NOMO1: variants seen among roughly 807,000 people sequenced by gnomAD.
NOMO1 encodes the protein nodal modulator 3.
NOMO1 carries 40 observed loss-of-function variants against 133.8 expected under a neutral mutation model. The ratio of observed to expected loss-of-function variants is 0.30; its 90% CI spans 0.23 to 0.39. NOMO1 has a LOEUF of 0.39. Among genes scored for constraint, NOMO1 ranks in the 10% least tolerant of loss-of-function variants. The pLI is 1.00. For synonymous variants in NOMO1, 236 were observed against 570.5 expected (o/e 0.41, Z 8.36); for missense variants, 462 against 1,419.9 (o/e 0.33, Z 10.84).
Position 14,852,560 on chromosome 16 carries a change from TTTC to T in NOMO1, c.719_721del (p.Ser240del), listed in dbSNP as rs764395088. 25 of 1,453,358 alleles carry T rather than the reference TTTC, an allele frequency of 1.7e-5. No homozygotes were observed. Among genetic ancestry groups the T allele is most frequent in the Admixed American group, 2.2e-5 (1 of 45,880 alleles). 90.0% of individuals were successfully genotyped at this position (1,453,358 alleles called of 1,614,324 possible). The stretch of plus-strand genomic sequence containing the variant: ...ATGAAAGGCGTGAAGTTTCTTCTCT[TTTC>T]TTCTTTAGTAACTAAAGAGGTAAGC... On this transcript the variant is annotated inframe_deletion, in exon 7 of 31. Coordinates refer to ENST00000287667, the MANE Select transcript of NOMO1 (RefSeq NM_014287.4).
At chr16:14,864,357 T>C (rs1401259831) in intron 12 of NOMO1, among the ~76,000 whole-genome samples, 9 of 151,954 alleles carry the variant, frequency 5.9e-5, no homozygotes, top group Non-Finnish European at 8.8e-5. Flanking sequence ...TAGACTTTTG[T>C]TCATACACAT....
At chr16:14,857,707 T>C in intron 11 of NOMO1, 52 bp downstream of exon 11, 4 of 1,612,506 alleles carry the variant, frequency 2.5e-6, no homozygotes, top group Admixed American at 1.7e-5. Flanking sequence ...TGGCAGCCAG[T>C]GTAGAACCGA....
At chr16:14,872,617 GAA>G (rs1230264974) in intron 18 of NOMO1, among the ~76,000 whole-genome samples, 1 of 48,322 alleles carries the variant, frequency 2.1e-5, no homozygotes, top group Non-Finnish European at 4.2e-5. Flanking sequence ...CTTTGCTAAG[GAA>G]AAAAAAAATC....
At chr16:14,881,791 T>TG in intron 25 of NOMO1, 106 bp downstream of exon 25, 1 of 1,148,286 alleles carries the variant, frequency 8.7e-7, no homozygotes, top group Non-Finnish European at 1.2e-6. Context: ...GCGAGAGGGC[T>TG]GGGGGTGGGG....
In NOMO1 at chr16:14,886,872, G is replaced by A; in HGVS notation, c.3324+10G>A. ...GCTCAGAGACGGCGAGGTAATGCCTGTGGCCGGATTCTACCTTCTGCCTTT... is the reference window on the plus strand; with the variant it reads ...GCTCAGAGACGGCGAGGTAATGCCTATGGCCGGATTCTACCTTCTGCCTTT... On this transcript the variant is annotated intron_variant, in intron 28 of 30. Coordinates refer to ENST00000287667, the MANE Select transcript of NOMO1 (RefSeq NM_014287.4). The A allele has an allele frequency of 3.7e-6, 6 of 1,611,708 alleles. No individual in the cohort carries two copies. Among genetic ancestry groups the A allele is most frequent in the Non-Finnish European group, 5.1e-6 (6 of 1,179,772 alleles).
chr16:14,856,942 A>G (rs1963847578), intron 9 of NOMO1, among the ~76,000 whole-genome samples: 1 of 151,984 alleles, frequency 6.6e-6, no homozygotes, highest in Non-Finnish European at 1.5e-5. Flanking sequence ...GGGGGCTTCT[A>G]GAAGCTTGAG....
At chr16:14,874,991 C>G in intron 18 of NOMO1, 45 bp from the exon 19 acceptor site, 1 of 1,613,568 alleles carries the variant, frequency 6.2e-7, no homozygotes. Flanking sequence ...TTCCCACTGA[C>G]CACAAGGATA....
At chr16:14,875,538 A>G (rs1204217732) in intron 20 of NOMO1, 116 bp downstream of exon 20, 8 of 792,618 alleles carry the variant, frequency 1.0e-5, no homozygotes, top group Admixed American at 4.7e-5. Context: ...GCCACCTTAC[A>G]TCCTCTCTGG....
chr16:14,885,812 G>A (rs1426060475), intron 27 of NOMO1, among the ~76,000 whole-genome samples: 3 of 151,764 alleles, frequency 2.0e-5, no homozygotes, highest in Non-Finnish European at 4.4e-5. Context: ...CCAGTTTTCC[G>A]GAGAAGCTGG....
intron 11 of NOMO1, among the ~76,000 whole-genome samples, chr16:14,860,063 A>G (rs1295688321): frequency 1.3e-5 from 2 of 151,694 alleles, no homozygotes; most frequent in Non-Finnish European, 2.9e-5. Context: ...TGCAGTGGAA[A>G]CCCGTTAGGA....
intron 29 of NOMO1, among the ~76,000 whole-genome samples, chr16:14,894,081 A>G (rs1964444865): frequency 6.6e-6 from 1 of 150,704 alleles, no homozygotes; most frequent in African/African-American, 2.5e-5. Flanking sequence ...GAGTGGGCCA[A>G]TGGGATATAG....
chr16:14,834,738 T>C (rs1359524498), intron 1 of NOMO1, among the ~76,000 whole-genome samples: 1 of 142,494 alleles, frequency 7.0e-6, no homozygotes, highest in Non-Finnish European at 1.5e-5. Flanking sequence ...TAAATGTTTA[T>C]CAGCCCGGTG....
At position 14,873,185 on chromosome 16, in the gene NOMO1, CCTT is replaced by C. The variant is rs1964103592; in HGVS notation, c.2054+857_2054+859del. On this transcript the variant is annotated intron_variant, in intron 18 of 30. Coordinates refer to ENST00000287667, the MANE Select transcript of NOMO1 (RefSeq NM_014287.4). ...ACTGTTCTGAGTGCTTTGAGCTTGA[CCTT>C]GGGGGCATGCAGGACAGGTAGGCTG... is the stretch of plus-strand genomic sequence containing the variant. Among the ~76,000 whole-genome samples, 4 of 91,570 alleles carry C rather than the reference CCTT, an allele frequency of 4.4e-5. 1 individual carries two copies. The highest frequency in any genetic ancestry group is 1.1e-4 in the African/African-American group (4 of 35,526). The allele number at this position is 91,570 out of a possible 152,430, so 60.1% of individuals were successfully genotyped here.
At chr16:14,883,621 C>T (rs1274949363) in intron 26 of NOMO1, among the ~76,000 whole-genome samples, 1 of 151,538 alleles carries the variant, frequency 6.6e-6, no homozygotes, top group Non-Finnish European at 1.5e-5. Flanking sequence ...CATGAGCCAC[C>T]GCACTGGGCC....
chr16:14,879,004 A>G (rs896303353), intron 23 of NOMO1, among the ~76,000 whole-genome samples, 170 bp downstream of exon 23: 2 of 151,888 alleles, frequency 1.3e-5, no homozygotes, highest in African/African-American at 4.9e-5. Flanking sequence ...ACTCGAACTT[A>G]ATGCTGCTGA....
In NOMO1 at chr16:14,864,689, G is replaced by C; in HGVS notation, c.1500G>C (p.Gln500His). 6.2e-7 allele frequency: 1 copy of C among 1,613,276 alleles called. No individual in the cohort carries two copies. Among genetic ancestry groups the C allele is most frequent in the East Asian group, 2.2e-5 (1 of 44,882 alleles). Residue 500 changes from glutamine (Q) to histidine (H), a missense_variant, in exon 13 of 31, where the codon CAG (glutamine) becomes CAC (histidine). Coordinates refer to ENST00000287667, the MANE Select transcript of NOMO1 (RefSeq NM_014287.4). ...NRPMMDVAFV[Q>H]FLASVSGKVS... is the part of the protein sequence containing the mutation. ...CCATGATGGATGTGGCCTTTGTACA[G>C]TTCTTGGCATCAGTTTCTGGGAAAG...
Position 14,885,461 on chromosome 16 carries a change from C to T in NOMO1, c.3222+979C>T, listed in dbSNP as rs543710000. Reference sequence around the variant, plus strand: ...TTAATGAAGAAATGTTTATAAAATACCCTGCAGACCCTCTACGGATGTTAG... The same window carrying T: ...TTAATGAAGAAATGTTTATAAAATATCCTGCAGACCCTCTACGGATGTTAG... On this transcript the variant is annotated intron_variant, in intron 27 of 30. Transcript: ENST00000287667. 3.9e-5 allele frequency among the ~76,000 whole-genome samples: 6 copies of T among 152,190 alleles called. 1 individual carries two copies. In the East Asian group the frequency reaches 1.2e-3, roughly 29 times the overall value.
At chr16:14,874,425 T>C (rs1313346582) in intron 18 of NOMO1, among the ~76,000 whole-genome samples, 1 of 152,040 alleles carries the variant, frequency 6.6e-6, no homozygotes, top group Non-Finnish European at 1.5e-5. Flanking sequence ...AAGCTACTGT[T>C]TACCCAGAGA....
intron 12 of NOMO1, 34 bp from the exon 13 acceptor site, chr16:14,864,551 T>G (rs1197828627): frequency 1.2e-6 from 2 of 1,613,016 alleles, no homozygotes; most frequent in Non-Finnish European, 1.7e-6. Flanking sequence ...TCTCCCCGAA[T>G]GCAGCCTCTA....
Sources: gnomAD v4.1 joint callset for allele counts (sites outside exome capture counted in the v4.1 genomes callset) on GRCh38, gnomAD v4.1.1 for gene constraint, MANE v1.5 for transcripts, NCBI Gene and HGNC (gene_info 2026-07-23, HGNC 2026-07-21) for gene names.